SLC25A33: variants seen among roughly 807,000 people sequenced by gnomAD.
SLC25A33 encodes solute carrier family 25 member 33.
In SLC25A33, 15 loss-of-function variants were observed where a neutral mutation model predicts 35.5. The observed-to-expected ratio is 0.42, with a 90% CI of 0.28 to 0.65. The LOEUF is 0.65. Among genes scored for constraint, SLC25A33 ranks in the 30% least tolerant of loss-of-function variants. The probability of loss-of-function intolerance (pLI) is 0.20; values close to 1 mark genes in which losing one functional copy is unlikely to be tolerated. For missense variants in SLC25A33, 257 were observed against 398.5 expected (o/e 0.64, Z 3.02); for synonymous variants, 136 against 148.7 (o/e 0.91, Z 0.62).
At chr1:9,559,065 G>T (rs1456778823) in intron 2 of SLC25A33, among the ~76,000 whole-genome samples, 1 of 152,160 alleles carries the variant, frequency 6.6e-6, no homozygotes, top group Non-Finnish European at 1.5e-5. Flanking sequence ...GTTTGCAGTA[G>T]ACATTGTCTG....
At position 9,578,958 on chromosome 1, in the gene SLC25A33, T is replaced by G. The variant is rs1406421844; in HGVS notation, c.483-996T>G. Among the ~76,000 whole-genome samples, 1 of 152,262 alleles carries G rather than the reference T, an allele frequency of 6.6e-6. No individual in the cohort carries two copies. The highest frequency in any genetic ancestry group is 1.5e-5 in the Non-Finnish European group (1 of 68,040). On this transcript the variant is annotated intron_variant, in intron 5 of 6. Transcript: ENST00000302692. The surrounding 1 kb of genome is among the most constrained non-coding windows in gnomAD (Gnocchi z 4.3). ...TGCTCCCTGCAGCTCTTTCTAAAATTAGGTCAAATGCTAATGTTTTTATGA... is the reference window on the plus strand; with the variant it reads ...TGCTCCCTGCAGCTCTTTCTAAAATGAGGTCAAATGCTAATGTTTTTATGA...
chr1:9,555,303 A>G (rs940789065), intron 2 of SLC25A33, among the ~76,000 whole-genome samples: 4 of 151,798 alleles, frequency 2.6e-5, no homozygotes, highest in Non-Finnish European at 4.4e-5. Context: ...TATTTTTAGT[A>G]GAGACGGGGT....
intron 4 of SLC25A33, among the ~76,000 whole-genome samples, chr1:9,572,419 G>A (rs1216041222): frequency 2.6e-5 from 4 of 151,754 alleles, no homozygotes; most frequent in African/African-American, 9.7e-5. Flanking sequence ...AGACCATCCT[G>A]GCTAACACGG....
At chr1:9,561,248 T>C (rs532099265) in intron 2 of SLC25A33, among the ~76,000 whole-genome samples, 1 of 152,300 alleles carries the variant, frequency 6.6e-6, no homozygotes, top group African/African-American at 2.4e-5. Context: ...CAGCCCTCTT[T>C]TTGTTTTTTC....
chr1:9,556,353 CA>C (rs1643341385), intron 2 of SLC25A33: 15 of 668,492 alleles, frequency 2.2e-5, no homozygotes, highest in Non-Finnish European at 2.8e-5. Context: ...AACTGTTACC[CA>C]AAAGTGTGGG....
intron 6 of SLC25A33, among the ~76,000 whole-genome samples, chr1:9,581,993 G>A (rs988528222): frequency 7.9e-5 from 12 of 152,040 alleles, no homozygotes; most frequent in African/African-American, 2.9e-4. Context: ...GCACGATCCC[G>A]ACTCATTGCG....
intron 1 of SLC25A33, among the ~76,000 whole-genome samples, chr1:9,543,517 T>C (rs1400132884): frequency 6.6e-6 from 1 of 152,202 alleles, no homozygotes; most frequent in Non-Finnish European, 1.5e-5. Context: ...GGCCCTTCTG[T>C]ATGTAGGCTT....
At chr1:9,553,203 GTTTTTTTTTTT>G (rs550067186) in intron 1 of SLC25A33, among the ~76,000 whole-genome samples, 1 of 56,486 alleles carries the variant, frequency 1.8e-5, no homozygotes, top group African/African-American at 6.4e-5. Flanking sequence ...TTCTAGTTTT[GTTTTTTTTTTT>G]TTTTTTTTTT....
chr1:9,557,220 A>G (rs1643357083), intron 2 of SLC25A33, among the ~76,000 whole-genome samples: 1 of 152,264 alleles, frequency 6.6e-6, no homozygotes, highest in Non-Finnish European at 1.5e-5. Context: ...GGCGTGAGCC[A>G]CTGTGCTCGG....
At chr1:9,559,825 G>A (rs1476796987) in intron 2 of SLC25A33, among the ~76,000 whole-genome samples, 1 of 152,094 alleles carries the variant, frequency 6.6e-6, no homozygotes, top group African/African-American at 2.4e-5. Flanking sequence ...AGCTAACGGC[G>A]GTGACGATGG....
intron 1 of SLC25A33, among the ~76,000 whole-genome samples, chr1:9,550,416 T>C (rs1643249835): frequency 6.6e-6 from 1 of 152,058 alleles, no homozygotes; most frequent in South Asian, 2.1e-4. Context: ...GGTTGACCTG[T>C]ATGGTATTTG....
chr1:9,544,056 G>A (rs909947575), intron 1 of SLC25A33, among the ~76,000 whole-genome samples: 1 of 152,058 alleles, frequency 6.6e-6, no homozygotes, highest in Non-Finnish European at 1.5e-5. Flanking sequence ...AGTGAGCTGA[G>A]ATTGCTCCAC....
In SLC25A33 at chr1:9,540,817, T is replaced by G. The variant is rs955890313; in HGVS notation, c.56+1070T>G. Among the ~76,000 whole-genome samples, 3 of 152,198 alleles carry G rather than the reference T, an allele frequency of 2.0e-5. No homozygotes were observed. The South Asian group carries it at 6.2e-4, about 32-fold the overall frequency. ...TGAGAAACTTATCTTGGAAGATGAC[T>G]GATGAAAGCGTCCCTGAGCTTTTTT... On this transcript the variant is annotated intron_variant, in intron 1 of 6. Coordinates refer to ENST00000302692, the MANE Select transcript of SLC25A33 (RefSeq NM_032315.3).
chr1:9,543,921 C>T (rs2100366399), intron 1 of SLC25A33, among the ~76,000 whole-genome samples: 1 of 152,200 alleles, frequency 6.6e-6, no homozygotes, highest in South Asian at 2.1e-4. Flanking sequence ...GCCTGGCCAA[C>T]ATGGCAAAAC....
At chr1:9,548,206 G>A (rs1332626866) in intron 1 of SLC25A33, among the ~76,000 whole-genome samples, 1 of 152,132 alleles carries the variant, frequency 6.6e-6, no homozygotes, top group Non-Finnish European at 1.5e-5. Context: ...ACACTGCTAT[G>A]ATTAACATGT....
At chr1:9,576,981 A>G in intron 5 of SLC25A33, 1 of 1,209,652 alleles carries the variant, frequency 8.3e-7, no homozygotes, top group Non-Finnish European at 1.2e-6. Context: ...CAGGCTGATG[A>G]ATAAGATCTA....
chr1:9,560,430 G>A (rs900485385), intron 2 of SLC25A33, among the ~76,000 whole-genome samples: 18 of 149,318 alleles, frequency 1.2e-4, no homozygotes, highest in East Asian at 1.0e-3. Flanking sequence ...CAGGTGTGGC[G>A]GTGGGCGCCT....
At chr1:9,565,877 CAA>C (rs528314170) in intron 2 of SLC25A33, among the ~76,000 whole-genome samples, 2 of 88,574 alleles carry the variant, frequency 2.3e-5, no homozygotes, top group Non-Finnish European at 2.4e-5. Context: ...GACTCTGTCT[CAA>C]AAAAAAAAAA....
intron 2 of SLC25A33, among the ~76,000 whole-genome samples, chr1:9,566,729 C>T (rs981673816): frequency 4.6e-5 from 7 of 152,108 alleles, no homozygotes; most frequent in African/African-American, 1.7e-4. Flanking sequence ...GCCTTTAATC[C>T]CAGTTACTCG....
Sources: allele counts gnomAD v4.1 joint callset (sites outside exome capture counted in the v4.1 genomes callset), GRCh38; gene constraint gnomAD v4.1.1; non-coding constraint Gnocchi (gnomAD v3.1); transcripts MANE v1.5; gene names NCBI Gene and HGNC (gene_info 2026-07-23, HGNC 2026-07-21).